The following RBFOX1 variants were observed in gnomAD, a reference collection of about 807,000 sequenced individuals.
RBFOX1 encodes RNA binding protein fox-1 homolog 1.
RBFOX1 carries 8 observed loss-of-function variants against 57.7 expected under a neutral mutation model. That is an observed-to-expected ratio of 0.14 (90% CI 0.08 to 0.25). The LOEUF (loss-of-function observed/expected upper bound fraction) is 0.25, where lower values mean the gene tolerates loss of function less well. Ranked by LOEUF, RBFOX1 falls within the 10% of genes least tolerant of loss-of-function variation. RBFOX1 has a pLI of 1.00. For synonymous variants in RBFOX1, 326 were observed against 222.4 expected (o/e 1.47, Z -4.15); for missense variants, 611 against 548.5 (o/e 1.11, Z -1.14).
chr16:6,833,468 C>A (rs1221451443), intron 3 of RBFOX1, among the ~76,000 whole-genome samples: 1 of 152,160 alleles, frequency 6.6e-6, no homozygotes, highest in South Asian at 2.1e-4. Flanking sequence ...CTCCCAGCCT[C>A]AAGCTTTATT....
intron 3 of RBFOX1, among the ~76,000 whole-genome samples, chr16:5,808,286 A>G (rs1057461016): frequency 1.3e-5 from 2 of 152,198 alleles, no homozygotes; most frequent in African/African-American, 4.8e-5. Flanking sequence ...ATATCTCTGT[A>G]TTGGTACCAG....
intron 1 of RBFOX1, among the ~76,000 whole-genome samples, chr16:6,043,120 GAAAAAAAAAAAA>G (rs570358262): frequency 1.9e-4 from 13 of 70,228 alleles, no homozygotes; most frequent in African/African-American, 2.7e-4. Flanking sequence ...TGTGTTTCCA[GAAAAAAAAAAAA>G]AAAAAAAAAA....
intron 5 of RBFOX1, among the ~76,000 whole-genome samples, chr16:7,543,443 C>T (rs550088390): frequency 6.6e-6 from 1 of 152,262 alleles, no homozygotes; most frequent in African/African-American, 2.4e-5. Flanking sequence ...GGGTTCTAGG[C>T]ACCTGTCCCT....
chr16:5,939,290 C>A (rs372892199), intron 4 of RBFOX1, among the ~76,000 whole-genome samples: 85 of 152,260 alleles, frequency 5.6e-4, no homozygotes, highest in African/African-American at 1.7e-3. Context: ...TCATCACAAA[C>A]TTAGATTAAA....
At chr16:7,266,651 G>A (rs1018955444) in intron 4 of RBFOX1, among the ~76,000 whole-genome samples, 1 of 152,030 alleles carries the variant, frequency 6.6e-6, no homozygotes, top group African/African-American at 2.4e-5. Context: ...ACTTCACTCC[G>A]TAACAATGGT....
At chr16:6,955,276 A>G (rs1424708842) in intron 3 of RBFOX1, among the ~76,000 whole-genome samples, 1 of 151,170 alleles carries the variant, frequency 6.6e-6, no homozygotes, top group Non-Finnish European at 1.5e-5. Flanking sequence ...TTAATCTAGA[A>G]CTCCCTAGCG....
chr16:6,378,381 G>A (rs1013651568), intron 2 of RBFOX1, among the ~76,000 whole-genome samples: 8 of 152,160 alleles, frequency 5.3e-5, no homozygotes, highest in African/African-American at 9.7e-5. Flanking sequence ...CCAACAGCTC[G>A]CTGGGCATCT....
intron 2 of RBFOX1, chr16:6,573,809 G>A (rs1012233006): frequency 1.3e-5 from 2 of 152,190 alleles, no homozygotes; most frequent in South Asian, 2.1e-4. Context: ...CTCTCTCTGA[G>A]CACCGTGGGG....
chr16:7,429,796 C>A (rs775544154), intron 4 of RBFOX1, among the ~76,000 whole-genome samples: 2 of 152,190 alleles, frequency 1.3e-5, no homozygotes, highest in African/African-American at 4.8e-5. Flanking sequence ...CCTATTATTT[C>A]CCTAACAGCA....
At chr16:6,321,382 T>A (rs2081770434) in intron 2 of RBFOX1, among the ~76,000 whole-genome samples, 1 of 152,176 alleles carries the variant, frequency 6.6e-6, no homozygotes. Context: ...GATACTTAGC[T>A]GTTATAGATC....
chr16:7,705,748 A>C (rs990124193), intron 14 of RBFOX1, among the ~76,000 whole-genome samples: 6 of 152,192 alleles, frequency 3.9e-5, no homozygotes, highest in Non-Finnish European at 5.9e-5. Context: ...AAGGAGCAAG[A>C]GTTGAAAAAA....
intron 3 of RBFOX1, among the ~76,000 whole-genome samples, chr16:6,907,508 C>T (rs529071389): frequency 3.3e-5 from 5 of 152,154 alleles, no homozygotes; most frequent in Non-Finnish European, 7.4e-5. Context: ...GTGGTTCCTT[C>T]TGAAAACTGG....
chr16:5,459,827 T>C (rs556325991), intron 1 of RBFOX1, among the ~76,000 whole-genome samples: 1 of 152,238 alleles, frequency 6.6e-6, no homozygotes, highest in Non-Finnish European at 1.5e-5. Flanking sequence ...TACACTGAGA[T>C]GAAATGTGAG....
rs188150647 is a variant in RBFOX1 at position 6,053,308 on chromosome 16, G to A, written c.-127+33316G>A. 3.9e-3 allele frequency among the ~76,000 whole-genome samples: 597 copies of A among 152,304 alleles called. 2 individuals are homozygous for A. The highest frequency in any genetic ancestry group is 0.014 in the African/African-American group (564 of 41,574). On this transcript the variant is annotated intron_variant, in intron 1 of 15. Transcript: ENST00000550418. ...GGTGTCCCAGAGCAGGAATTGCGCA[G>A]AGAGCTTGATGAAGCAGAAAGAAGG...
chr16:6,966,222 T>C (rs994783646), intron 3 of RBFOX1, among the ~76,000 whole-genome samples: 1 of 152,080 alleles, frequency 6.6e-6, no homozygotes, highest in Non-Finnish European at 1.5e-5. Flanking sequence ...TGTCCCAGCT[T>C]CTCACATAGG....
chr16:6,153,384 C>A (rs1012307464), intron 1 of RBFOX1, among the ~76,000 whole-genome samples: 3 of 152,106 alleles, frequency 2.0e-5, no homozygotes, highest in Non-Finnish European at 4.4e-5. Context: ...TAATTGAATT[C>A]TTTTTTAAAT....
intron 14 of RBFOX1, among the ~76,000 whole-genome samples, chr16:7,706,573 A>C (rs1410500646): frequency 6.6e-6 from 1 of 152,220 alleles, no homozygotes; most frequent in Admixed American, 6.5e-5. Context: ...CCATTTCCCC[A>C]ATTTTTAAAA....
chr16:5,718,869 A>C (rs1305218258), intron 3 of RBFOX1, among the ~76,000 whole-genome samples: 1 of 152,064 alleles, frequency 6.6e-6, no homozygotes, highest in African/African-American at 2.4e-5. Flanking sequence ...AGACTGCACC[A>C]ATTTACCCCA....
intron 3 of RBFOX1, among the ~76,000 whole-genome samples, chr16:6,720,886 C>A (rs1015324725): frequency 1.3e-5 from 2 of 152,128 alleles, no homozygotes; most frequent in African/African-American, 4.8e-5. Context: ...ACAATCCATC[C>A]ATTTTACCTT....
Sources: gnomAD v4.1 joint callset for allele counts (sites outside exome capture counted in the v4.1 genomes callset) on GRCh38, gnomAD v4.1.1 for gene constraint, MANE v1.5 for transcripts, NCBI Gene and HGNC (gene_info 2026-07-23, HGNC 2026-07-21) for gene names.